Variants in VAV3 observed in about 807,000 individuals in gnomAD.
VAV3 encodes the protein guanine nucleotide exchange factor VAV3.
VAV3 carries 94 observed loss-of-function variants against 131.2 expected under a neutral mutation model. The observed-to-expected ratio is 0.72, with a 90% CI of 0.61 to 0.85. The LOEUF (loss-of-function observed/expected upper bound fraction) is 0.85, where lower values mean the gene tolerates loss of function less well. VAV3 is among the 40% of genes least tolerant of loss of function. The pLI, the probability that VAV3 is intolerant of heterozygous loss-of-function variation, is 0.00. For synonymous variants in VAV3, 349 were observed against 342.0 expected (o/e 1.02, Z -0.22); for missense variants, 939 against 1,002.7 (o/e 0.94, Z 0.86).
At chr1:107,687,969 T>C (rs559143926) in intron 18 of VAV3, among the ~76,000 whole-genome samples, 8 of 152,298 alleles carry the variant, frequency 5.3e-5, no homozygotes, top group South Asian at 2.1e-4. Flanking sequence ...ACTAGAAACA[T>C]GGAACCATAA....
rs754950252 is a variant in VAV3 at position 107,755,523 on chromosome 1, A to G, written c.1087-10T>C. Reference sequence around the variant, plus strand: ...CATATTGTGCCAAGTCCTAGACAATAAAGAAAAGGGTAGAAAAAGAAGGCA... The same window carrying G: ...CATATTGTGCCAAGTCCTAGACAATGAAGAAAAGGGTAGAAAAAGAAGGCA... On this transcript the variant is annotated splice_polypyrimidine_tract_variant and intron_variant, in intron 11 of 26. Transcript: ENST00000370056. 2 of 1,601,096 alleles carry G rather than the reference A, an allele frequency of 1.2e-6. No homozygotes were observed. The highest frequency in any genetic ancestry group is 1.7e-6 in the Non-Finnish European group (2 of 1,170,188).
At chr1:107,769,496 T>C (rs1664920092) in intron 6 of VAV3, among the ~76,000 whole-genome samples, 1 of 152,246 alleles carries the variant, frequency 6.6e-6, no homozygotes, top group African/African-American at 2.4e-5. Flanking sequence ...TGTGAGAGTC[T>C]GGAGAGCTGG....
At chr1:107,893,987 G>C (rs558394091) in intron 1 of VAV3, among the ~76,000 whole-genome samples, 1 of 152,154 alleles carries the variant, frequency 6.6e-6, no homozygotes, top group Non-Finnish European at 1.5e-5. Flanking sequence ...CATCGGTTCT[G>C]TAAAGAAAGA....
chr1:107,713,638 A>G (rs1660919100), intron 15 of VAV3, among the ~76,000 whole-genome samples: 1 of 152,200 alleles, frequency 6.6e-6, no homozygotes, highest in Admixed American at 6.5e-5. Flanking sequence ...CAAAAAAGGA[A>G]AAGATAAAAG....
intron 2 of VAV3, among the ~76,000 whole-genome samples, chr1:107,843,014 C>G (rs57605996): frequency 0.022 from 3,396 of 152,126 alleles, 116 homozygotes; most frequent in African/African-American, 0.078. Context: ...AAAAGACAGA[C>G]AGAGAGAATG....
rs1250476776 is a variant in VAV3, at chr1:107,819,030, A to G, written c.322-39538T>C. 3.3e-5 allele frequency among the ~76,000 whole-genome samples: 5 copies of G among 152,190 alleles called. 1 individual carries two copies. On this transcript the variant is annotated intron_variant, in intron 2 of 26. Transcript: ENST00000370056. ...GAGTTTTTTGTTTGTTATCTTAAATATTAGTGATCCCTGTTTTTAACTCAA... is the reference window on the plus strand; with the variant it reads ...GAGTTTTTTGTTTGTTATCTTAAATGTTAGTGATCCCTGTTTTTAACTCAA...
At chr1:107,810,018 TTA>T (rs1291811896) in intron 2 of VAV3, among the ~76,000 whole-genome samples, 1 of 152,210 alleles carries the variant, frequency 6.6e-6, no homozygotes, top group Non-Finnish European at 1.5e-5. Context: ...TTCTAGAAGT[TTA>T]TGTGTTTATA....
At chr1:107,664,351 C>G (rs1194294918) in intron 19 of VAV3, among the ~76,000 whole-genome samples, 2 of 151,918 alleles carry the variant, frequency 1.3e-5, no homozygotes, top group African/African-American at 2.4e-5. Flanking sequence ...CCCTCCCCAA[C>G]CCCCCACAAA....
intron 1 of VAV3, among the ~76,000 whole-genome samples, chr1:107,928,728 AAAC>A (rs1366123666): frequency 6.6e-6 from 1 of 152,194 alleles, no homozygotes. Flanking sequence ...AAAAAAGAAT[AAAC>A]AACAATGAAG....
chr1:107,713,785 C>T (rs1660927929), intron 15 of VAV3, among the ~76,000 whole-genome samples: 1 of 152,084 alleles, frequency 6.6e-6, no homozygotes, highest in South Asian at 2.1e-4. Flanking sequence ...GGACTTAGTA[C>T]CAAAGTATTA....
At chr1:107,862,171 C>T (rs748870635) in intron 2 of VAV3, among the ~76,000 whole-genome samples, 17 of 151,528 alleles carry the variant, frequency 1.1e-4, no homozygotes, top group Non-Finnish European at 2.1e-4. Flanking sequence ...ACAAGTGACT[C>T]AGAAACTAAA....
At chr1:107,701,838 C>G (rs1287428196) in intron 17 of VAV3, among the ~76,000 whole-genome samples, 1 of 152,144 alleles carries the variant, frequency 6.6e-6, no homozygotes, top group Non-Finnish European at 1.5e-5. Context: ...TTGGGACCAC[C>G]TCAGCCCGAA....
chr1:107,678,681 T>C (rs1051659962), intron 19 of VAV3, among the ~76,000 whole-genome samples: 53 of 152,156 alleles, frequency 3.5e-4, no homozygotes, highest in East Asian at 7.7e-4. Flanking sequence ...CTAAGAACAA[T>C]AGTATTAAAT....
chr1:107,603,127 G>T lies in VAV3; in HGVS notation c.2052C>A (p.Thr684=), dbSNP rs372908741. 13 of 1,613,002 alleles carry T rather than the reference G, an allele frequency of 8.1e-6. No individual in the cohort carries two copies. Among genetic ancestry groups the T allele is most frequent in the African/African-American group, 1.3e-5 (1 of 74,834 alleles). The change falls in exon 23 of 27, where the codon ACC becomes ACA. Residue 684 remains threonine (T), a synonymous_variant. Coordinates refer to ENST00000370056, the MANE Select transcript of VAV3 (RefSeq NM_006113.5). The part of the protein sequence containing the change: ...AGAMERLQAE[T]ELINRVNSTY... ...TACTATTTACCCTATTAATAAGTTC[G>T]GTCTCTGCTTGCAATCTTTCCATTG...
At chr1:107,627,619 C>G (rs1403572741) in intron 20 of VAV3, among the ~76,000 whole-genome samples, 1 of 152,040 alleles carries the variant, frequency 6.6e-6, no homozygotes, top group Non-Finnish European at 1.5e-5. Flanking sequence ...CTTTTTTCTC[C>G]TTTTCAATCT....
At chr1:107,924,090 T>C (rs1397245574) in intron 1 of VAV3, among the ~76,000 whole-genome samples, 1 of 152,156 alleles carries the variant, frequency 6.6e-6, no homozygotes. Context: ...AGAACAGTTT[T>C]TAGAACATGT....
chr1:107,716,239 G>T (rs1661082205), intron 15 of VAV3, among the ~76,000 whole-genome samples: 5 of 152,078 alleles, frequency 3.3e-5, no homozygotes, highest in Admixed American at 2.0e-4. Context: ...TTCAGAAAAA[G>T]AACTTTAAAA....
At chr1:107,855,379 C>G (rs1249105634) in intron 2 of VAV3, among the ~76,000 whole-genome samples, 1 of 152,128 alleles carries the variant, frequency 6.6e-6, no homozygotes, top group Non-Finnish European at 1.5e-5. Context: ...TGGATTCAAG[C>G]GATCCTCCCA....
At chr1:107,639,956 T>G (rs1161277985) in intron 20 of VAV3, among the ~76,000 whole-genome samples, 5 of 148,820 alleles carry the variant, frequency 3.4e-5, no homozygotes, top group African/African-American at 9.8e-5. Flanking sequence ...AAAAAAAGAA[T>G]GACCACACCA....
Sources: allele counts gnomAD v4.1 joint callset (sites outside exome capture counted in the v4.1 genomes callset), GRCh38; gene constraint gnomAD v4.1.1; transcripts MANE v1.5; gene names NCBI Gene and HGNC (gene_info 2026-07-23, HGNC 2026-07-21).